ABCC5: variants seen among roughly 807,000 people sequenced by gnomAD.
The protein encoded by ABCC5 is ATP binding cassette subfamily C member 5.
Under a neutral mutation model 160.9 loss-of-function variants are expected in ABCC5, and 61 were observed. That is an observed-to-expected ratio of 0.38 (90% CI 0.31 to 0.47). The LOEUF (loss-of-function observed/expected upper bound fraction) is 0.47, where lower values mean the gene tolerates loss of function less well. Ranked by LOEUF, ABCC5 falls within the 20% of genes least tolerant of loss-of-function variation. The probability of loss-of-function intolerance (pLI) is 0.99; values close to 1 mark genes in which losing one functional copy is unlikely to be tolerated. For synonymous variants in ABCC5, 666 were observed against 700.6 expected, an observed-to-expected ratio of 0.95 and a Z score of 0.78; for missense variants, 1,308 against 1,813.3, an observed-to-expected ratio of 0.72 and a Z score of 5.06.
intron 5 of ABCC5, chr3:183,984,780 G>A: frequency 6.4e-7 from 1 of 1,552,412 alleles, no homozygotes; most frequent in Non-Finnish European, 8.6e-7. Context: ...ATGTGGAACT[G>A]AGTCACAGGG....
intron 17 of ABCC5, among the ~76,000 whole-genome samples, chr3:183,958,949 G>C (rs1716479949): frequency 6.6e-6 from 1 of 151,902 alleles, no homozygotes; most frequent in Non-Finnish European, 1.5e-5. Context: ...CGTCTCCAAA[G>C]CAATGGCAAA....
At position 183,947,383 on chromosome 3, in the gene ABCC5, G is replaced by A. The variant is rs1714942427; in HGVS notation, c.3355C>T (p.Leu1119Phe). 6.2e-7 allele frequency: 1 copy of A among 1,613,768 alleles called. No homozygotes were observed. The highest frequency in any genetic ancestry group is 8.5e-7 in the Non-Finnish European group (1 of 1,179,882). The change falls in exon 23 of 30, where the codon CTT becomes TTT. Residue 1119 changes from leucine (L) to phenylalanine (F), a missense_variant. Coordinates refer to ENST00000334444, the MANE Select transcript of ABCC5 (RefSeq NM_005688.4). The part of the protein sequence containing the change: ...LITTTGLMIV[L>F]MHGQIPPAYA... ...GCTGGGGGAATCTGCCCGTGCATAAGAACGATCATCAGCCCCGTGGTGGTG... is the reference window on the plus strand; with the variant it reads ...GCTGGGGGAATCTGCCCGTGCATAAAAACGATCATCAGCCCCGTGGTGGTG...
intron 10 of ABCC5, among the ~76,000 whole-genome samples, chr3:183,973,516 C>A (rs995645901): frequency 1.3e-5 from 2 of 152,060 alleles, no homozygotes; most frequent in African/African-American, 4.8e-5. Context: ...TGAGAACCCC[C>A]CAGCTATCTT....
At chr3:183,980,536 T>C (rs746711776) in intron 8 of ABCC5, among the ~76,000 whole-genome samples, 1 of 152,192 alleles carries the variant, frequency 6.6e-6, no homozygotes, top group Non-Finnish European at 1.5e-5. Context: ...ACAAACTCAC[T>C]GCTTAACAAG....
chr3:184,012,562 G>C (rs1330183901), intron 2 of ABCC5, among the ~76,000 whole-genome samples: 2 of 152,122 alleles, frequency 1.3e-5, no homozygotes, highest in African/African-American at 2.4e-5. Context: ...ATACCTTTGG[G>C]TCTGTACTTG....
intron 16 of ABCC5, 139 bp downstream of exon 16, chr3:183,961,372 A>C: frequency 9.6e-7 from 1 of 1,041,942 alleles, no homozygotes; most frequent in Non-Finnish European, 1.4e-6. Context: ...AAGGCACAGC[A>C]GTCTGTTCAC....
chr3:184,005,250 T>A (rs943268139), intron 2 of ABCC5, among the ~76,000 whole-genome samples: 4 of 152,168 alleles, frequency 2.6e-5, no homozygotes, highest in Non-Finnish European at 5.9e-5. Flanking sequence ...TGAGGTTCCA[T>A]CCATCTTTTA....
Position 183,988,361 on chromosome 3 carries a change from TGAGA to T in ABCC5, c.443+207_443+210del, listed in dbSNP as rs142549432. ...GCAGACTCAGGAAGAGAAGCGGGGC[TGAGA>T]GAGAGAGAGAAAGCCCGTGGTTAAA... On this transcript the variant is annotated intron_variant, in intron 4 of 29. Transcript: ENST00000334444. The surrounding 1 kb of genome is among the most constrained non-coding windows in gnomAD (Gnocchi z 4.4). Among the ~76,000 whole-genome samples, 1 of 151,610 alleles carries T rather than the reference TGAGA, an allele frequency of 6.6e-6. No individual in the cohort carries two copies. The highest frequency in any genetic ancestry group is 2.4e-5 in the African/African-American group (1 of 41,302).
At chr3:183,989,414 G>A (rs370233631) in intron 2 of ABCC5, 31 bp from the exon 3 acceptor site, 132 of 1,611,758 alleles carry the variant, frequency 8.2e-5, no homozygotes, top group Non-Finnish European at 1.1e-4. Flanking sequence ...AAAGGCAAGA[G>A]CACAGTTAAT....
At chr3:183,933,252 C>T (rs73046520) in intron 26 of ABCC5, among the ~76,000 whole-genome samples, 175 of 151,554 alleles carry the variant, frequency 1.2e-3, no homozygotes, top group African/African-American at 4.0e-3. Context: ...CTGTTTCTTG[C>T]TAATGAATGG....
intron 11 of ABCC5, among the ~76,000 whole-genome samples, 156 bp from the exon 12 acceptor site, chr3:183,967,922 G>C (rs552283525): frequency 1.3e-5 from 2 of 152,256 alleles, no homozygotes; most frequent in African/African-American, 4.8e-5. Context: ...CTCATTAGCT[G>C]CCTATCTCAT....
At chr3:183,985,022 T>C in intron 5 of ABCC5, 1 of 821,744 alleles carries the variant, frequency 1.2e-6, no homozygotes, top group Non-Finnish European at 1.9e-6. Context: ...AAAGACATAG[T>C]GAATGTTTAC....
chr3:183,963,361 A>T lies in ABCC5; in HGVS notation c.2235+24T>A, dbSNP rs1396952372. The T allele has an allele frequency of 6.2e-7, 1 of 1,613,416 alleles. No individual in the cohort carries two copies. The highest frequency in any genetic ancestry group is 8.5e-7 in the Non-Finnish European group (1 of 1,179,298). ...TCTGATTTCCCAAACTCAGGCAGGC[A>T]GCCGAGGGAAGAAAGAACCATACCT... is the stretch of plus-strand genomic sequence containing the variant. On this transcript the variant is annotated intron_variant, in intron 15 of 29. Transcript: ENST00000334444. This position sits in a 1 kb window ranked among gnomAD's most constrained non-coding sequence, Gnocchi z 4.6.
intron 8 of ABCC5, among the ~76,000 whole-genome samples, chr3:183,981,363 T>C (rs560843394): frequency 2.0e-5 from 3 of 152,266 alleles, no homozygotes; most frequent in Admixed American, 2.0e-4. Flanking sequence ...TGGGCAAAGG[T>C]GATGCTCTCA....
At chr3:183,964,188 C>G (rs188581523) in intron 14 of ABCC5, among the ~76,000 whole-genome samples, 1 of 152,188 alleles carries the variant, frequency 6.6e-6, no homozygotes, top group African/African-American at 2.4e-5. Context: ...CCCGCTAGTA[C>G]CCCAAAGAGA....
intron 24 of ABCC5, among the ~76,000 whole-genome samples, chr3:183,945,366 G>A (rs187008792): frequency 6.6e-6 from 1 of 152,268 alleles, no homozygotes; most frequent in Non-Finnish European, 1.5e-5. Flanking sequence ...TTTGTAAGTT[G>A]GGAGAGCAGT....
intron 5 of ABCC5, chr3:183,983,294 A>C: frequency 2.2e-6 from 1 of 444,984 alleles, no homozygotes; most frequent in East Asian, 4.1e-5. Flanking sequence ...ATTAACTCTA[A>C]ACACATGGTC....
At chr3:183,936,128 G>C (rs1451407087) in intron 26 of ABCC5, among the ~76,000 whole-genome samples, 2 of 152,062 alleles carry the variant, frequency 1.3e-5, no homozygotes, top group African/African-American at 2.4e-5. Flanking sequence ...AAGAAGAGGA[G>C]ACACAAGAGC....
intron 23 of ABCC5, among the ~76,000 whole-genome samples, chr3:183,947,077 C>A (rs1223101089): frequency 1.3e-5 from 2 of 152,212 alleles, no homozygotes; most frequent in Non-Finnish European, 2.9e-5. Context: ...AAAACAGCAT[C>A]TACTTCTCAC....
Sources: gnomAD v4.1 joint callset for allele counts (sites outside exome capture counted in the v4.1 genomes callset) on GRCh38, gnomAD v4.1.1 for gene constraint, Gnocchi (gnomAD v3.1) non-coding constraint, MANE v1.5 for transcripts, NCBI Gene and HGNC (gene_info 2026-07-23, HGNC 2026-07-21) for gene names.